The following PRDM11 variants were observed in gnomAD, a reference collection of about 807,000 sequenced individuals.
PRDM11 encodes the protein PR domain-containing protein 11.
Under a neutral mutation model 97.8 loss-of-function variants are expected in PRDM11, and 20 were observed. That is an observed-to-expected ratio of 0.20 (90% CI 0.14 to 0.30). The LOEUF is 0.30. PRDM11 is among the 10% of genes least tolerant of loss of function. The pLI, the probability that PRDM11 is intolerant of heterozygous loss-of-function variation, is 1.00. For synonymous variants in PRDM11, 599 were observed against 637.7 expected (o/e 0.94, Z 0.91); for missense variants, 1,139 against 1,555.2 (o/e 0.73, Z 4.50).
chr11:45,135,639 A>G (rs901804014), intron 1 of PRDM11, among the ~76,000 whole-genome samples: 1 of 152,240 alleles, frequency 6.6e-6, no homozygotes, highest in African/African-American at 2.4e-5. Flanking sequence ...GAAGCAAACT[A>G]TAAAACTTCA....
At chr11:45,200,166 A>C (rs76126265) in intron 4 of PRDM11, among the ~76,000 whole-genome samples, 26 of 152,298 alleles carry the variant, frequency 1.7e-4, no homozygotes, top group African/African-American at 6.0e-4. Context: ...GACAATCCCA[A>C]TTGGTGGGAA....
At chr11:45,133,860 C>T (rs6485591) in intron 1 of PRDM11, among the ~76,000 whole-genome samples, 48,274 of 152,108 alleles carry the variant, frequency 0.32, 8,421 homozygotes, top group African/African-American at 0.43. Context: ...ATGCAGAGAG[C>T]AGGCTAAACC....
intron 6 of PRDM11, among the ~76,000 whole-genome samples, chr11:45,220,944 A>T (rs867644480): frequency 6.6e-6 from 1 of 152,018 alleles, no homozygotes; most frequent in Non-Finnish European, 1.5e-5. Context: ...AAAACCACGC[A>T]TCCAAACACC....
At chr11:45,102,470 G>C (rs1215874051) in intron 1 of PRDM11, among the ~76,000 whole-genome samples, 2 of 152,186 alleles carry the variant, frequency 1.3e-5, no homozygotes, top group Non-Finnish European at 2.9e-5. Context: ...GCCGGCATGA[G>C]GGGAAGCACC....
Position 45,174,924 on chromosome 11 carries a change from A to G in PRDM11, c.-6-6837A>G, listed in dbSNP as rs78144949. Among the ~76,000 whole-genome samples, 214 of 152,328 alleles carry G rather than the reference A, an allele frequency of 1.4e-3. 3 individuals carry two copies. In the East Asian group the frequency reaches 0.034, roughly 24 times the overall value. On this transcript the variant is annotated intron_variant, in intron 1 of 7. Transcript: ENST00000683152. ...TACACCTGTGTAGTGTGGGAAATTA[A>G]AAGTGTTTTAATGGAATTATTTTGT...
chr11:45,103,878 G>A (rs186819724), intron 1 of PRDM11, among the ~76,000 whole-genome samples: 2 of 151,838 alleles, frequency 1.3e-5, no homozygotes, highest in East Asian at 3.9e-4. Context: ...TGTAAGAAAG[G>A]GGCTTAGCTC....
intron 1 of PRDM11, among the ~76,000 whole-genome samples, chr11:45,115,698 C>G (rs1029550280): frequency 6.6e-6 from 1 of 151,758 alleles, no homozygotes; most frequent in Non-Finnish European, 1.5e-5. Context: ...GGGAGGCTGA[C>G]GGGGGTGGAT....
At chr11:45,193,500 A>G (rs999014234) in intron 4 of PRDM11, among the ~76,000 whole-genome samples, 3 of 152,220 alleles carry the variant, frequency 2.0e-5, no homozygotes, top group Non-Finnish European at 4.4e-5. Flanking sequence ...GTCTGTCTCA[A>G]TGACTCAATT....
chr11:45,130,519 C>T lies in PRDM11; in HGVS notation c.96+34618C>T, dbSNP rs545058172. On this transcript the variant is annotated intron_variant, in intron 1 of 6. Coordinates refer to the PRDM11 transcript ENST00000530656. ...AAACCACAATGAACATCACTACAAA[C>T]TTTCTAGAATGAGTAAAAAGAAAAA... 1.2e-3 allele frequency among the ~76,000 whole-genome samples: 179 copies of T among 152,204 alleles called. 1 individual carries two copies. The highest frequency in any genetic ancestry group is 5.9e-4 in the Admixed American group (9 of 15,280).
At chr11:45,181,196 T>C (rs1342122714) in intron 1 of PRDM11, among the ~76,000 whole-genome samples, 1 of 152,008 alleles carries the variant, frequency 6.6e-6, no homozygotes, top group African/African-American at 2.4e-5. Flanking sequence ...AGTGTCCCCT[T>C]GAGAGAGTCG....
chr11:45,226,306 A>G lies in PRDM11; in HGVS notation c.1681A>G (p.Ser561Gly). Residue 561 changes from serine (S) to glycine (G), a missense_variant, in exon 8 of 8, where the codon AGC becomes GGC. By Grantham distance (56) the Ser-to-Gly change is moderately conservative. Around this residue, in one of 2 missense-constraint regions of PRDM11, gnomAD observed 710 missense variants for 1,044.9 expected, o/e 0.68. Transcript: ENST00000683152. ...TAAGATTCACACCATCAAACTTCAC[A>G]GCCAGAGCAACCTGCACAAGAAGTG... ...QFKIHTIKLH[S>G]QSNLHKKCLQ... is the part of the protein sequence containing the mutation. 2 of 1,533,982 alleles carry G rather than the reference A, an allele frequency of 1.3e-6. No individual in the cohort carries two copies. The highest frequency in any genetic ancestry group is 1.7e-6 in the Non-Finnish European group (2 of 1,146,736).
chr11:45,095,172 C>T (rs1284556996), upstream of PRDM11, among the ~76,000 whole-genome samples: 3 of 152,128 alleles, frequency 2.0e-5, no homozygotes, highest in Non-Finnish European at 4.4e-5. Flanking sequence ...TGGCTGCCTC[C>T]CCCAAAAGAA....
intron 1 of PRDM11, among the ~76,000 whole-genome samples, chr11:45,099,260 C>G (rs1271307207): frequency 6.6e-6 from 1 of 151,986 alleles, no homozygotes; most frequent in Non-Finnish European, 1.5e-5. Context: ...CGAGAGCAGC[C>G]TGGACAACAC....
At chr11:45,171,914 A>G (rs941832636) in intron 1 of PRDM11, among the ~76,000 whole-genome samples, 3 of 151,900 alleles carry the variant, frequency 2.0e-5, no homozygotes, top group African/African-American at 7.3e-5. Context: ...CAACAATTCA[A>G]TTCAATTCAA....
At chr11:45,124,159 T>C (rs1852511041) in intron 1 of PRDM11, among the ~76,000 whole-genome samples, 1 of 150,290 alleles carries the variant, frequency 6.7e-6, no homozygotes, top group Non-Finnish European at 1.5e-5. Context: ...CTGTTATTGG[T>C]GTATAAGAAT....
chr11:45,127,542 T>A (rs1440320719), intron 1 of PRDM11, among the ~76,000 whole-genome samples: 4 of 152,212 alleles, frequency 2.6e-5, no homozygotes, highest in African/African-American at 4.8e-5. Flanking sequence ...GTTTGTTAGT[T>A]TTCCTTCTAA....
intron 1 of PRDM11, among the ~76,000 whole-genome samples, chr11:45,152,680 C>T (rs1032003957): frequency 1.3e-5 from 2 of 152,198 alleles, no homozygotes; most frequent in Admixed American, 1.3e-4. Flanking sequence ...ATCTTCACAG[C>T]GATGCCCTGA....
In PRDM11 at chr11:45,166,719, G is replaced by A. The variant is rs370284432; in HGVS notation, c.-6-15042G>A. Among the ~76,000 whole-genome samples, 61 of 152,274 alleles carry A rather than the reference G, an allele frequency of 4.0e-4. No homozygotes were observed. The South Asian group carries it at 8.1e-3, about 20-fold the overall frequency. On this transcript the variant is annotated intron_variant, in intron 1 of 7. Coordinates refer to ENST00000683152, the MANE Select transcript of PRDM11 (RefSeq NM_001384648.1). ...GCTTCACAGAGTATGTAAAACACCC[G>A]ACACAGAGCTGGGCATCAGCCACAT...
intron 4 of PRDM11, among the ~76,000 whole-genome samples, chr11:45,190,501 A>G (rs1852874595): frequency 6.6e-6 from 1 of 150,412 alleles, no homozygotes; most frequent in Non-Finnish European, 1.5e-5. Context: ...TTACAGAGAC[A>G]TCATGACACT....
Sources: gnomAD v4.1 joint callset for allele counts (sites outside exome capture counted in the v4.1 genomes callset) on GRCh38, gnomAD v4.1.1 for gene constraint, gnomAD v4.1.1 regional missense constraint, MANE v1.5 for transcripts, NCBI Gene and HGNC (gene_info 2026-07-23, HGNC 2026-07-21) for gene names.